Variants in SORCS1 observed in about 807,000 individuals in gnomAD.
SORCS1 encodes the protein sortilin related VPS10 domain containing receptor 1.
A neutral mutation model predicts 146.1 loss-of-function variants in SORCS1; 60 were observed. That is an observed-to-expected ratio of 0.41 (90% CI 0.33 to 0.51). SORCS1 has a LOEUF of 0.51. Among genes scored for constraint, SORCS1 ranks in the 20% least tolerant of loss-of-function variants. SORCS1 has a pLI of 0.21. For synonymous variants in SORCS1, 637 were observed against 584.0 expected (o/e 1.09, Z -1.31); for missense variants, 1,352 against 1,487.6 (o/e 0.91, Z 1.50).
At chr10:106,829,953 G>A (rs1485790619) in intron 2 of SORCS1, among the ~76,000 whole-genome samples, 1 of 152,212 alleles carries the variant, frequency 6.6e-6, no homozygotes, top group Non-Finnish European at 1.5e-5. Context: ...ATTAAGAGAT[G>A]AGGGTGTCCC....
At chr10:106,597,253 G>T (rs55993442) in intron 24 of SORCS1, 98 bp downstream of exon 24, 1 of 920,544 alleles carries the variant, frequency 1.1e-6, no homozygotes, top group Non-Finnish European at 1.7e-6. Flanking sequence ...TTTCTGATTA[G>T]CATTGTTACC....
intron 19 of SORCS1, among the ~76,000 whole-genome samples, chr10:106,622,793 G>A (rs1258026623): frequency 1.3e-5 from 2 of 152,140 alleles, no homozygotes; most frequent in African/African-American, 2.4e-5. Context: ...ACAAAGTAAC[G>A]TGACTTTCCC....
intron 6 of SORCS1, among the ~76,000 whole-genome samples, chr10:106,716,198 A>T (rs563111548): frequency 1.3e-5 from 2 of 152,338 alleles, no homozygotes; most frequent in East Asian, 1.9e-4. Flanking sequence ...CTGCCAAATA[A>T]GTAGGGCTAC....
intron 6 of SORCS1, among the ~76,000 whole-genome samples, chr10:106,726,979 A>T (rs1015268611): frequency 1.3e-5 from 2 of 151,870 alleles, no homozygotes; most frequent in Admixed American, 6.6e-5. Flanking sequence ...CCAGCTACTC[A>T]GGAGGCTGAG....
intron 21 of SORCS1, among the ~76,000 whole-genome samples, chr10:106,617,850 A>G (rs1443410092): frequency 6.6e-6 from 1 of 152,210 alleles, no homozygotes. Context: ...TTCAAATATT[A>G]CTAACAATCT....
At chr10:106,738,823 C>G (rs553376431) in intron 5 of SORCS1, among the ~76,000 whole-genome samples, 52 of 152,174 alleles carry the variant, frequency 3.4e-4, no homozygotes, top group Non-Finnish European at 6.0e-4. Flanking sequence ...CAGACCCCAT[C>G]TCTATTAAAA....
At position 107,061,923 on chromosome 10, in the gene SORCS1, C is replaced by T. The variant is rs1469019981; in HGVS notation, c.558+102046G>A. On this transcript the variant is annotated intron_variant, in intron 1 of 25. Transcript: ENST00000263054. ...AATAAATATTAGAAGAGAATCTGAG[C>T]GGACATATTGGTAGCTAACCTTTAT... Among the ~76,000 whole-genome samples, 4 of 152,032 alleles carry T rather than the reference C, an allele frequency of 2.6e-5. No individual in the cohort carries two copies. The South Asian group carries it at 6.2e-4, about 24-fold the overall frequency.
chr10:107,034,856 C>T (rs572128764), intron 1 of SORCS1, among the ~76,000 whole-genome samples: 11 of 151,930 alleles, frequency 7.2e-5, no homozygotes, highest in East Asian at 1.9e-4. Flanking sequence ...TCCCCATAAA[C>T]GGTATGTTTT....
At chr10:106,584,091 A>G (rs1183646272) in intron 24 of SORCS1, among the ~76,000 whole-genome samples, 1 of 152,182 alleles carries the variant, frequency 6.6e-6, no homozygotes, top group African/African-American at 2.4e-5. Flanking sequence ...AGTAGACTCA[A>G]TTCAGGCTTG....
At chr10:106,888,853 G>T (rs987922077) in intron 2 of SORCS1, among the ~76,000 whole-genome samples, 26 of 152,330 alleles carry the variant, frequency 1.7e-4, no homozygotes, top group Admixed American at 1.6e-3. Context: ...CTGCAGGAAT[G>T]GAACGGAGTT....
rs1157224588 is a variant in SORCS1 at position 106,798,698 on chromosome 10, T to G, written c.727-22006A>C. ...AATCCAGTCTATCATTGTTGGACATTTGGGTTGGTTCCAAGTCTTTGCTAT... is the reference window on the plus strand; with the variant it reads ...AATCCAGTCTATCATTGTTGGACATGTGGGTTGGTTCCAAGTCTTTGCTAT... On this transcript the variant is annotated intron_variant, in intron 3 of 25. Transcript: ENST00000263054. 2.0e-5 allele frequency among the ~76,000 whole-genome samples: 3 copies of G among 152,170 alleles called. No individual in the cohort carries two copies. In the East Asian group the frequency reaches 5.8e-4, roughly 29 times the overall value.
chr10:107,034,683 A>AAAAAAAAAAAAAC, intron 1 of SORCS1, among the ~76,000 whole-genome samples: 1 of 135,224 alleles, frequency 7.4e-6, no homozygotes, highest in African/African-American at 2.9e-5. Flanking sequence ...TCCATCTCAA[A>AAAAAAAAAAAAAC]AAAAAAAAAA....
chr10:106,970,336 C>CTTTTTTTTTTTTTTTTTTTTTTTTTTTT lies in SORCS1; in HGVS notation c.559-13757_559-13756insAAAAAAAAAAAAAAAAAAAAAAAAAAAA, dbSNP rs766818370. On this transcript the variant is annotated intron_variant, in intron 1 of 25. Coordinates refer to ENST00000263054, the MANE Select transcript of SORCS1 (RefSeq NM_052918.5). ...TTCCCTCCAAATGTAACCAACATCT[C>CTTTTTTTTTTTTTTTTTTTTTTTTTTTT]TTTTTTTTTTTTTTTTTTTGAGATG... Among the ~76,000 whole-genome samples the CTTTTTTTTTTTTTTTTTTTTTTTTTTTT allele has an allele frequency of 4.1e-4, 37 of 89,426 alleles. 4 individuals carry two copies. The highest frequency in any genetic ancestry group is 2.0e-3 in the African/African-American group (37 of 18,458). 58.7% of individuals were successfully genotyped at this position (89,426 alleles called of 152,430 possible).
chr10:107,090,052 G>C (rs1964073551), intron 1 of SORCS1, among the ~76,000 whole-genome samples: 1 of 152,166 alleles, frequency 6.6e-6, no homozygotes, highest in African/African-American at 2.4e-5. Context: ...CAATGACATA[G>C]AGGCATTATA....
chr10:106,753,221 A>G (rs190275645), intron 5 of SORCS1, among the ~76,000 whole-genome samples: 1 of 152,300 alleles, frequency 6.6e-6, no homozygotes, highest in African/African-American at 2.4e-5. Context: ...TGGAGAAGGA[A>G]AAATGCAGAG....
chr10:106,852,698 T>C (rs1057293216), intron 2 of SORCS1, among the ~76,000 whole-genome samples: 1 of 152,090 alleles, frequency 6.6e-6, no homozygotes, highest in Non-Finnish European at 1.5e-5. Context: ...CTGAGAGTTT[T>C]TACCATGAAT....
intron 2 of SORCS1, among the ~76,000 whole-genome samples, chr10:106,919,184 A>G (rs922712757): frequency 2.0e-5 from 3 of 152,178 alleles, no homozygotes; most frequent in Non-Finnish European, 4.4e-5. Flanking sequence ...CCACTTAAAT[A>G]CTTCTATTTA....
At chr10:106,687,767 A>G (rs1852970920) in intron 10 of SORCS1, among the ~76,000 whole-genome samples, 1 of 151,636 alleles carries the variant, frequency 6.6e-6, no homozygotes, top group Admixed American at 6.6e-5. Flanking sequence ...ATGATTAAAC[A>G]TCTCCACAAG....
rs1230331699 is a variant in SORCS1 at position 106,734,591 on chromosome 10, C to T, written c.960-4477G>A. ...AATGGCTTTTGAGAAAAGAGAAGTACACAAACCAGCCATATCAGCATGTAT... is the reference window on the plus strand; with the variant it reads ...AATGGCTTTTGAGAAAAGAGAAGTATACAAACCAGCCATATCAGCATGTAT... On this transcript the variant is annotated intron_variant, in intron 5 of 25. Transcript: ENST00000263054. 2.6e-5 allele frequency among the ~76,000 whole-genome samples: 4 copies of T among 152,132 alleles called. No homozygotes were observed. In the East Asian group the frequency reaches 5.8e-4, roughly 22 times the overall value.
Sources: gnomAD v4.1 joint callset for allele counts (sites outside exome capture counted in the v4.1 genomes callset) on GRCh38, gnomAD v4.1.1 for gene constraint, MANE v1.5 for transcripts, NCBI Gene and HGNC (gene_info 2026-07-23, HGNC 2026-07-21) for gene names.